Variants in NCOR2 observed in about 807,000 individuals in gnomAD.
NCOR2 encodes the protein CTG repeat protein 26.
NCOR2 carries 81 observed loss-of-function variants against 262.9 expected under a neutral mutation model. The ratio of observed to expected loss-of-function variants is 0.31; its 90% CI spans 0.26 to 0.37. NCOR2 has a LOEUF of 0.37. NCOR2 is among the 10% of genes least tolerant of loss of function. NCOR2 has a pLI of 1.00. For synonymous variants in NCOR2, 1,659 were observed against 1,559.3 expected (o/e 1.06, Z -1.51); for missense variants, 3,385 against 3,621.4 (o/e 0.93, Z 1.68).
In NCOR2 at chr12:124,520,463, G is replaced by A. The variant is rs149876644; in HGVS notation, c.-118+15102C>T. Among the ~76,000 whole-genome samples the A allele has an allele frequency of 2.7e-3, 415 of 152,148 alleles. 4 individuals are homozygous for A. Among genetic ancestry groups the A allele is most frequent in the African/African-American group, 9.2e-3 (382 of 41,488 alleles). ...GACACAGACCTGCATCCAGACCTTCGCCAAAGGCTGGCCCTGGAATCCACG... is the reference window on the plus strand; with the variant it reads ...GACACAGACCTGCATCCAGACCTTCACCAAAGGCTGGCCCTGGAATCCACG... On this transcript the variant is annotated intron_variant, in intron 1 of 46. Coordinates refer to the NCOR2 transcript ENST00000404621.
At chr12:124,497,984 C>T (rs1160330848), upstream of NCOR2, among the ~76,000 whole-genome samples, 4 of 152,198 alleles carry the variant, frequency 2.6e-5, no homozygotes, top group Non-Finnish European at 5.9e-5. This position sits in a 1 kb window ranked among gnomAD's most constrained non-coding sequence, Gnocchi z 4.2. Flanking sequence ...TAGAGCTCGG[C>T]TCAAAGTCTG....
intron 1 of NCOR2, among the ~76,000 whole-genome samples, chr12:124,488,400 T>C (rs1354139685): frequency 2.6e-5 from 4 of 152,238 alleles, no homozygotes; most frequent in Non-Finnish European, 4.4e-5. Context: ...CCTGTTATTC[T>C]AACCCTCTGA....
In NCOR2 at chr12:124,436,414, T is replaced by C. The variant is rs78173790; in HGVS notation, c.882+1516A>G. On this transcript the variant is annotated intron_variant, in intron 8 of 46. Coordinates refer to ENST00000405201, the Ensembl canonical transcript of NCOR2. ...CCCTCCAGCCTCCAGCAAACCTAGTTCCCAGCCCTTGCCGCGTCTCTTATC... is the reference window on the plus strand; with the variant it reads ...CCCTCCAGCCTCCAGCAAACCTAGTCCCCAGCCCTTGCCGCGTCTCTTATC... Among the ~76,000 whole-genome samples the C allele has an allele frequency of 4.7e-3, 708 of 152,208 alleles. 23 individuals carry two copies. The East Asian group carries it at 0.08, about 17-fold the overall frequency.
intron 1 of NCOR2, among the ~76,000 whole-genome samples, chr12:124,494,599 G>A (rs762216976): frequency 9.2e-5 from 14 of 152,128 alleles, no homozygotes; most frequent in South Asian, 4.1e-4. Context: ...GCCACAGGGC[G>A]GGCTCCCCAA....
chr12:124,329,229 A>G, intron 44 of NCOR2: 1 of 450,280 alleles, frequency 2.2e-6, no homozygotes, highest in Non-Finnish European at 4.5e-6. Context: ...GGGAGGCCCA[A>G]TGTGGGTGGA....
At chr12:124,492,878 A>G (rs149080116) in intron 1 of NCOR2, among the ~76,000 whole-genome samples, 221 of 152,242 alleles carry the variant, frequency 1.5e-3, no homozygotes, top group Middle Eastern at 3.4e-3. Flanking sequence ...CTGCCCTTCA[A>G]GAGACAAGCA....
chr12:124,539,869 G>A (rs2051236407), upstream of NCOR2, among the ~76,000 whole-genome samples: 1 of 152,000 alleles, frequency 6.6e-6, no homozygotes, highest in Admixed American at 6.6e-5. The surrounding 1 kb of genome is among the most constrained non-coding windows in gnomAD (Gnocchi z 5.1). Flanking sequence ...AGCCACAAAG[G>A]CCAACCTGAC....
At chr12:124,410,525 GA>G (rs1437831008) in intron 13 of NCOR2, among the ~76,000 whole-genome samples, 1 of 151,968 alleles carries the variant, frequency 6.6e-6, no homozygotes, top group Non-Finnish European at 1.5e-5. Flanking sequence ...GACTGGAGAG[GA>G]CCCAGCCACC....
At chr12:124,552,827 C>T (rs1333703137) in intron 1 of NCOR2, among the ~76,000 whole-genome samples, 1 of 152,084 alleles carries the variant, frequency 6.6e-6, no homozygotes, top group Admixed American at 6.6e-5. Flanking sequence ...TAGCTGGGAC[C>T]ACAGGTACCA....
At chr12:124,494,944 T>C (rs902316366) in intron 1 of NCOR2, among the ~76,000 whole-genome samples, 6 of 152,092 alleles carry the variant, frequency 3.9e-5, no homozygotes, top group African/African-American at 1.2e-4. Context: ...TTCCCAGCTT[T>C]AAAATGGGAG....
chr12:124,552,463 C>T (rs934961471), intron 1 of NCOR2, among the ~76,000 whole-genome samples: 4 of 152,218 alleles, frequency 2.6e-5, no homozygotes, highest in African/African-American at 4.8e-5. Context: ...TGCTCTTCAG[C>T]CACAGCCCCC....
intron 12 of NCOR2, among the ~76,000 whole-genome samples, chr12:124,421,125 C>T (rs1039875672): frequency 1.3e-5 from 2 of 152,388 alleles, no homozygotes; most frequent in Non-Finnish European, 2.9e-5. Flanking sequence ...CCCCCGCAGA[C>T]GGGCACAGAC....
At chr12:124,358,007 T>C (rs974291776) in intron 22 of NCOR2, among the ~76,000 whole-genome samples, 10 of 146,084 alleles carry the variant, frequency 6.8e-5, no homozygotes, top group South Asian at 2.3e-4. Flanking sequence ...TGTGTGTGTG[T>C]GCACACGTGC....
At position 124,328,693 on chromosome 12, in the gene NCOR2, T is replaced by G. The variant is rs138060106; in HGVS notation, c.6959-1060A>C. 9.8e-4 allele frequency: 156 copies of G among 158,642 alleles called. 3 individuals are homozygous for G. In the South Asian group the frequency reaches 0.02, roughly 20 times the overall value. 9.8% of individuals were successfully genotyped at this position (158,642 alleles called of 1,614,324 possible). On this transcript the variant is annotated intron_variant, in intron 44 of 46. Transcript: ENST00000405201. ...ACGGGGCAAGTGTTTCATGGAGTTT[T>G]AAACTTCTGCTCCGAATGAATCATA...
At chr12:124,544,513 G>C (rs1415701760) in intron 1 of NCOR2, among the ~76,000 whole-genome samples, 1 of 152,192 alleles carries the variant, frequency 6.6e-6, no homozygotes, top group Non-Finnish European at 1.5e-5. Context: ...GATTTGTCAC[G>C]AGGGCCTGGG....
rs61532948 is a variant in NCOR2, at chr12:124,360,398, C to T, written c.3100+1728G>A. The stretch of plus-strand genomic sequence containing the variant: ...TGCGCCCTTCCTTCCACCTCCACGG[C>T]CACCTGTGCGGTTCAGGCAGCCTCT... On this transcript the variant is annotated intron_variant, in intron 22 of 46. Coordinates refer to ENST00000405201, the Ensembl canonical transcript of NCOR2. 5.1e-3 allele frequency among the ~76,000 whole-genome samples: 770 copies of T among 152,362 alleles called. 13 individuals are homozygous for T. The highest frequency in any genetic ancestry group is 0.018 in the African/African-American group (731 of 41,590).
At chr12:124,347,993 G>A (rs551762533) in intron 29 of NCOR2, 82 bp from the exon 32 acceptor site, 741 of 1,478,322 alleles carry the variant, frequency 5.0e-4, no homozygotes, top group Admixed American at 8.5e-4. Context: ...GTTTACAGCC[G>A]CCAGTGGTCA....
At chr12:124,452,122 G>T (rs2045584414) in intron 6 of NCOR2, among the ~76,000 whole-genome samples, 1 of 152,242 alleles carries the variant, frequency 6.6e-6, no homozygotes, top group Non-Finnish European at 1.5e-5. Context: ...CCTGACCCTG[G>T]AAGTTTGAAC....
chr12:124,332,515 C>T (rs1006122032), intron 42 of NCOR2, 48 bp from the exon 45 acceptor site: 2 of 1,612,540 alleles, frequency 1.2e-6, no homozygotes, highest in Middle Eastern at 1.7e-4. Context: ...GCCGAGCTTG[C>T]ATGCCTTTGA....
Sources: gnomAD v4.1 joint callset for allele counts (sites outside exome capture counted in the v4.1 genomes callset) on GRCh38, gnomAD v4.1.1 for gene constraint, Gnocchi (gnomAD v3.1) non-coding constraint, MANE v1.5 for transcripts, NCBI Gene and HGNC (gene_info 2026-07-23, HGNC 2026-07-21) for gene names.